The following ZBED4 variants were observed in gnomAD, a reference collection of about 807,000 sequenced individuals.
ZBED4 encodes the protein zinc finger BED domain-containing protein 4.
A neutral mutation model predicts 15.5 loss-of-function variants in ZBED4; 4 were observed. The observed-to-expected ratio is 0.26, with a 90% CI of 0.13 to 0.59. The LOEUF (loss-of-function observed/expected upper bound fraction) is 0.59. Among genes scored for constraint, ZBED4 ranks in the 20% least tolerant of loss-of-function variants. The pLI, the probability that ZBED4 is intolerant of heterozygous loss-of-function variation, is 0.90. For synonymous variants in ZBED4, 692 were observed against 608.5 expected, an observed-to-expected ratio of 1.14 and a Z score of -2.02; for missense variants, 1,323 against 1,461.8, an observed-to-expected ratio of 0.91 and a Z score of 1.55.
At chr22:49,870,310 G>A (rs75327897) in intron 1 of ZBED4, among the ~76,000 whole-genome samples, 2 of 152,210 alleles carry the variant, frequency 1.3e-5, no homozygotes, top group Non-Finnish European at 2.9e-5. Context: ...GGGTTTTTTT[G>A]TAGAATGATT....
Position 49,874,654 on chromosome 22 carries a change from T to C in ZBED4, c.-329-8680T>C, listed in dbSNP as rs575588977. ...TCCCGAAGTGCTGGGATTACAGGCG[T>C]GAACCACCATGCCCAGCCTTTTTTT... is the stretch of plus-strand genomic sequence containing the variant. On this transcript the variant is annotated intron_variant, in intron 1 of 1. Coordinates refer to ENST00000216268, the MANE Select transcript of ZBED4 (RefSeq NM_014838.3). Among the ~76,000 whole-genome samples, 49 of 128,578 alleles carry C rather than the reference T, an allele frequency of 3.8e-4. No homozygotes were observed. In the East Asian group the frequency reaches 0.012, roughly 33 times the overall value. The allele number at this position is 128,578 out of a possible 152,430, so 84.4% of individuals were successfully genotyped here.
chr22:49,869,328 C>T (rs1018646008), intron 1 of ZBED4, among the ~76,000 whole-genome samples: 2 of 152,270 alleles, frequency 1.3e-5, no homozygotes, highest in East Asian at 1.9e-4. Flanking sequence ...AGTGAGTGCA[C>T]GGCTGCCTAC....
chr22:49,881,206 G>C (rs1021482710), intron 1 of ZBED4, among the ~76,000 whole-genome samples: 1 of 152,072 alleles, frequency 6.6e-6, no homozygotes, highest in African/African-American at 2.4e-5. Flanking sequence ...GGAATTAGCC[G>C]GGTGTCATGG....
chr22:49,878,460 C>T (rs1048157804), intron 1 of ZBED4, among the ~76,000 whole-genome samples: 7 of 152,206 alleles, frequency 4.6e-5, no homozygotes, highest in African/African-American at 7.2e-5. Flanking sequence ...CACACATATG[C>T]GAGCAACCAA....
intron 1 of ZBED4, among the ~76,000 whole-genome samples, chr22:49,857,005 G>A (rs1333625718): frequency 6.6e-6 from 1 of 152,190 alleles, no homozygotes; most frequent in Non-Finnish European, 1.5e-5. Flanking sequence ...TGTGACTGCT[G>A]CAGCCCCCTA....
At chr22:49,862,033 G>C (rs1907046199) in intron 1 of ZBED4, among the ~76,000 whole-genome samples, 1 of 152,222 alleles carries the variant, frequency 6.6e-6, no homozygotes, top group African/African-American at 2.4e-5. Context: ...TTTTTGCCAG[G>C]ATGGTAGGGT....
intron 1 of ZBED4, among the ~76,000 whole-genome samples, chr22:49,879,049 G>A (rs2060393265): frequency 6.6e-6 from 1 of 151,126 alleles, no homozygotes; most frequent in Non-Finnish European, 1.5e-5. Flanking sequence ...GGAGGCTGAG[G>A]CAGGAGAATC....
Position 49,884,613 on chromosome 22 carries a change from G to T in ZBED4, c.951G>T (p.Lys317Asn). The change falls in exon 2 of 2, where the codon AAG becomes AAT. Residue 317 changes from lysine (K) to asparagine (N), a missense_variant. Around this residue, in one of 6 missense-constraint regions of ZBED4, gnomAD observed 380 missense variants for 413.7 expected, o/e 0.92. Coordinates refer to ENST00000216268, the MANE Select transcript of ZBED4 (RefSeq NM_014838.3). ...IHCMNEFSRG[K>N]NGKDLGTSCL... The stretch of plus-strand genomic sequence containing the variant: ...GCATGAACGAGTTCAGCCGGGGGAA[G>T]AATGGGAAGGACCTGGGCACGAGCT... The T allele has an allele frequency of 6.2e-7, 1 of 1,612,688 alleles. No homozygotes were observed. Among genetic ancestry groups the T allele is most frequent in the East Asian group, 2.2e-5 (1 of 44,886 alleles).
At chr22:49,855,537 CTGTG>C (rs1446494766) in intron 1 of ZBED4, among the ~76,000 whole-genome samples, 2 of 152,244 alleles carry the variant, frequency 1.3e-5, no homozygotes, top group East Asian at 3.9e-4. Context: ...GGACTGACTT[CTGTG>C]TGTGTGCAGA....
Position 49,884,810 on chromosome 22 carries a change from C to T in ZBED4, c.1148C>T (p.Ser383Phe), listed in dbSNP as rs2060428327. The T allele has an allele frequency of 1.2e-6, 2 of 1,610,068 alleles. No individual in the cohort carries two copies. Among genetic ancestry groups the T allele is most frequent in the Non-Finnish European group, 1.7e-6 (2 of 1,177,126 alleles). The change falls in exon 2 of 2, where the codon TCC (serine) becomes TTC (phenylalanine). Residue 383 changes from serine to phenylalanine, a missense_variant. Physicochemically the swap from Ser to Phe is radical, Grantham distance 155 (BLOSUM62 -2). Coordinates refer to ENST00000216268, the MANE Select transcript of ZBED4 (RefSeq NM_014838.3). ...SSSPVKPVRE[S>F]PSASSSPDRL... Reference sequence around the variant, plus strand: ...TCTCCAGTAAAGCCGGTCAGAGAGTCCCCTTCGGCCTCCTCCTCCCCTGAC... The same window carrying T: ...TCTCCAGTAAAGCCGGTCAGAGAGTTCCCTTCGGCCTCCTCCTCCCCTGAC...
Position 49,885,719 on chromosome 22 carries a change from A to G in ZBED4, c.2057A>G (p.Glu686Gly). 4 of 1,607,222 alleles carry G rather than the reference A, an allele frequency of 2.5e-6. No homozygotes were observed. The highest frequency in any genetic ancestry group is 3.4e-6 in the Non-Finnish European group (4 of 1,174,688). ...AACGTTGGCTTTAACAGGCTGCTTG[A>G]ATACTTGAAACCTCAGTACTCCCTC... ...VDNVGFNRLL[E>G]YLKPQYSLPA... The change falls in exon 2 of 2, where the codon GAA becomes GGA. Residue 686 changes from glutamate (E) to glycine (G), a missense_variant. Glu to Gly is a moderately conservative substitution (Grantham distance 98). This residue lies in a region of ZBED4 where 89 missense variants were observed against 129.8 expected (regional missense o/e 0.69). Transcript: ENST00000216268.
rs2060262212 is a variant in ZBED4, at chr22:49,853,846, AGCGTCCGGCGGCGTC to A, written c.-469_-455del. On this transcript the variant is annotated 5_prime_UTR_variant, in exon 1 of 2. Coordinates refer to ENST00000216268, the MANE Select transcript of ZBED4 (RefSeq NM_014838.3). The stretch of plus-strand genomic sequence containing the variant: ...CCGCGCGGGGCCCTGGGAGGGGCGC[AGCGTCCGGCGGCGTC>A]GCGGGCGGCGGGCGGCGGGGCCGCG... 1 of 142,590 alleles carries A rather than the reference AGCGTCCGGCGGCGTC, an allele frequency of 7.0e-6. No homozygotes were observed. Among genetic ancestry groups the A allele is most frequent in the Non-Finnish European group, 1.5e-5 (1 of 64,708 alleles). The allele number at this position is 142,590 out of a possible 1,614,324, so 8.8% of individuals were successfully genotyped here.
At position 49,886,778 on chromosome 22, in the gene ZBED4, C is replaced by A. The variant is rs1393072593; in HGVS notation, c.3116C>A (p.Thr1039Asn). The change falls in exon 2 of 2, where the codon ACC (threonine) becomes AAC (asparagine). Residue 1039 changes from threonine (T) to asparagine (N), a missense_variant. Thr to Asn is a moderately conservative substitution (Grantham distance 65, BLOSUM62 0). Around this residue, in one of 6 missense-constraint regions of ZBED4, gnomAD observed 312 missense variants for 410.7 expected, o/e 0.76. Transcript: ENST00000216268. The surrounding 1 kb of genome is among the most constrained non-coding windows in gnomAD (Gnocchi z 7.7). Reference protein sequence around the residue: ...LIRELELMNSTSEDVAASHRC... With the variant: ...LIRELELMNSNSEDVAASHRC... ...AGGGAACTCGAACTCATGAATTCTA[C>A]CTCAGAGGACGTGGCTGCCTCCCAC... 3 of 1,612,332 alleles carry A rather than the reference C, an allele frequency of 1.9e-6. No individual in the cohort carries two copies. The highest frequency in any genetic ancestry group is 2.7e-5 in the African/African-American group (2 of 74,906).
intron 1 of ZBED4, among the ~76,000 whole-genome samples, chr22:49,872,416 C>T (rs2060352689): frequency 6.6e-6 from 1 of 152,190 alleles, no homozygotes. Context: ...GCAGTCACTT[C>T]CTCCATTGAA....
In ZBED4 at chr22:49,886,354, A is replaced by G; in HGVS notation, c.2692A>G (p.Met898Val). ...VPSKWSTSFH[M>V]LERLIEQKRA... ...GTCCAAGTGGAGCACTTCCTTCCAC[A>G]TGCTCGAGCGGCTCATTGAGCAGAA... The change falls in exon 2 of 2, where the codon ATG becomes GTG. Residue 898 changes from methionine to valine, a missense_variant. This residue lies in a region of ZBED4 where 312 missense variants were observed against 410.7 expected (regional missense o/e 0.76). Transcript: ENST00000216268. This position sits in a 1 kb window ranked among gnomAD's most constrained non-coding sequence, Gnocchi z 7.7. 6.2e-7 allele frequency: 1 copy of G among 1,609,092 alleles called. No homozygotes were observed. The highest frequency in any genetic ancestry group is 8.5e-7 in the Non-Finnish European group (1 of 1,176,352).
At position 49,886,997 on chromosome 22, in the gene ZBED4, C is replaced by T. The variant is rs1293484390; in HGVS notation, c.3335C>T (p.Pro1112Leu). The change falls in exon 2 of 2, where the codon CCG (proline) becomes CTG (leucine). Residue 1112 changes from proline to leucine, a missense_variant. Transcript: ENST00000216268. This position sits in a 1 kb window ranked among gnomAD's most constrained non-coding sequence, Gnocchi z 7.7. Reference sequence around the variant, plus strand: ...TGGAACCTGAAGAAGGCGTCCTGGCCGGGGCTGTCCGCGCTGGCCGTCAGA... The same window carrying T: ...TGGAACCTGAAGAAGGCGTCCTGGCTGGGGCTGTCCGCGCTGGCCGTCAGA... ...TYWNLKKASWPGLSALAVRFL... is the reference protein window; with the variant it reads ...TYWNLKKASWLGLSALAVRFL... 3 of 1,614,046 alleles carry T rather than the reference C, an allele frequency of 1.9e-6. No individual in the cohort carries two copies. Among genetic ancestry groups the T allele is most frequent in the Non-Finnish European group, 2.5e-6 (3 of 1,180,026 alleles).
chr22:49,864,601 G>C (rs2060311415), intron 1 of ZBED4, among the ~76,000 whole-genome samples: 1 of 152,118 alleles, frequency 6.6e-6, no homozygotes, highest in Non-Finnish European at 1.5e-5. Flanking sequence ...AGGATCACTT[G>C]AGCCTGGGAG....
intron 1 of ZBED4, among the ~76,000 whole-genome samples, chr22:49,874,062 C>T (rs2060362243): frequency 6.6e-6 from 1 of 152,234 alleles, no homozygotes; most frequent in Non-Finnish European, 1.5e-5. Context: ...TTGTAGAGGC[C>T]TTACAACCTT....
chr22:49,860,389 T>C (rs1298853064), intron 1 of ZBED4, among the ~76,000 whole-genome samples: 2 of 152,240 alleles, frequency 1.3e-5, no homozygotes, highest in Non-Finnish European at 2.9e-5. Context: ...TGAAAAATCT[T>C]AATAATATCA....
Sources: allele counts gnomAD v4.1 joint callset (sites outside exome capture counted in the v4.1 genomes callset), GRCh38; gene constraint gnomAD v4.1.1; regional missense constraint gnomAD v4.1.1; non-coding constraint Gnocchi (gnomAD v3.1); transcripts MANE v1.5; gene names NCBI Gene and HGNC (gene_info 2026-07-23, HGNC 2026-07-21).